Variants in UXS1 observed in about 807,000 individuals in gnomAD.
UXS1 encodes the protein UDP-glucuronate decarboxylase 1.
Under a neutral mutation model 62.6 loss-of-function variants are expected in UXS1, and 33 were observed. The ratio of observed to expected loss-of-function variants is 0.53; its 90% CI spans 0.40 to 0.70. UXS1 has a LOEUF of 0.70. Among genes scored for constraint, UXS1 ranks in the 30% least tolerant of loss-of-function variants. The pLI is 0.00. For missense variants in UXS1, 434 were observed against 556.3 expected (o/e 0.78, Z 2.21); for synonymous variants, 213 against 206.8 (o/e 1.03, Z -0.26).
In UXS1 at chr2:106,142,259, T is replaced by C. The variant is rs559124549; in HGVS notation, c.472+2931A>G. 2.1e-4 allele frequency among the ~76,000 whole-genome samples: 32 copies of C among 152,366 alleles called. No homozygotes were observed. The South Asian group carries it at 2.5e-3, about 12-fold the overall frequency. ...TTCTATATTTTCTTTAACATGTATG[T>C]ATTATTTTCATCATCAGGAAAAAAG... On this transcript the variant is annotated intron_variant, in intron 6 of 14. Transcript: ENST00000283148.
chr2:106,161,250 C>T (rs1429999043), intron 4 of UXS1, among the ~76,000 whole-genome samples: 4 of 151,562 alleles, frequency 2.6e-5, no homozygotes, highest in South Asian at 2.1e-4. Flanking sequence ...TGGAGTGTAG[C>T]GGCATAATCA....
intron 4 of UXS1, among the ~76,000 whole-genome samples, chr2:106,161,076 T>C (rs750109192): frequency 2.0e-5 from 3 of 152,180 alleles, no homozygotes; most frequent in Non-Finnish European, 2.9e-5. Flanking sequence ...CAGTGACTGA[T>C]AGAGTGCAGT....
chr2:106,105,447 TC>T (rs1358946929), intron 10 of UXS1, among the ~76,000 whole-genome samples: 2 of 152,146 alleles, frequency 1.3e-5, no homozygotes, highest in Admixed American at 1.3e-4. Context: ...GCTCCACACT[TC>T]CATAGCTTGG....
chr2:106,115,978 C>G (rs1208350827), intron 9 of UXS1, among the ~76,000 whole-genome samples: 1 of 152,230 alleles, frequency 6.6e-6, no homozygotes, highest in South Asian at 2.1e-4. Context: ...TCCCAAAGGC[C>G]CTTTGGAAAC....
intron 7 of UXS1, 61 bp downstream of exon 7, chr2:106,129,613 G>T: frequency 7.5e-7 from 1 of 1,325,098 alleles, no homozygotes; most frequent in Non-Finnish European, 1.1e-6. Context: ...AATGACCTAT[G>T]CTTGTAATCA....
At chr2:106,094,221 G>GAAGTGCCACCTTGCAGGAAGC in intron 14 of UXS1, 64 bp from the exon 15 acceptor site, 2 of 1,603,324 alleles carry the variant, frequency 1.2e-6, no homozygotes, top group Non-Finnish European at 1.7e-6. Flanking sequence ...TCGCAGGAAG[G>GAAGTGCCACCTTGCAGGAAGC]AAGTGCCACC....
Position 106,194,295 on chromosome 2 carries a change from A to C in UXS1, c.-54T>G, listed in dbSNP as rs1365116890. ...TACCGCGCGGGGGCCCGCCTGCTGC[A>C]CAATGCGCGGCGGCGGCGGCGGCAG... On this transcript the variant is annotated 5_prime_UTR_variant, in exon 1 of 15. Transcript: ENST00000283148. 48 of 1,071,076 alleles carry C rather than the reference A, an allele frequency of 4.5e-5. No individual in the cohort carries two copies. The highest frequency in any genetic ancestry group is 5.4e-5 in the Non-Finnish European group (47 of 863,108). 66.3% of individuals were successfully genotyped at this position (1,071,076 alleles called of 1,614,324 possible).
intron 13 of UXS1, among the ~76,000 whole-genome samples, 174 bp downstream of exon 13, chr2:106,098,542 C>T (rs1677315763): frequency 6.6e-6 from 1 of 152,206 alleles, no homozygotes; most frequent in South Asian, 2.1e-4. Flanking sequence ...TCCTGCCCTC[C>T]TTTATCTTTC....
At chr2:106,124,008 G>T (rs1275319859) in intron 8 of UXS1, among the ~76,000 whole-genome samples, 1 of 152,170 alleles carries the variant, frequency 6.6e-6, no homozygotes, top group African/African-American at 2.4e-5. Context: ...GATCCCTCTG[G>T]GTCAGCACAG....
intron 14 of UXS1, 104 bp from the exon 15 acceptor site, chr2:106,094,261 A>ACCTTGCAGCCT (rs1676899213): frequency 7.0e-7 from 1 of 1,424,500 alleles, no homozygotes; most frequent in African/African-American, 1.4e-5. Flanking sequence ...CCTTGCAGCC[A>ACCTTGCAGCCT]GTCAGGCCTC....
chr2:106,116,221 A>G (rs1444686196), intron 9 of UXS1, among the ~76,000 whole-genome samples: 1 of 152,232 alleles, frequency 6.6e-6, no homozygotes, highest in African/African-American at 2.4e-5. Flanking sequence ...CACGGTGTAC[A>G]GAGCACCTCT....
chr2:106,107,954 C>A (rs1283654619), intron 10 of UXS1, among the ~76,000 whole-genome samples: 1 of 152,216 alleles, frequency 6.6e-6, no homozygotes, highest in South Asian at 2.1e-4. Flanking sequence ...CAAGAGGAGG[C>A]TGTTCTGCCT....
chr2:106,131,099 G>T (rs376833937), intron 6 of UXS1, among the ~76,000 whole-genome samples: 1 of 149,036 alleles, frequency 6.7e-6, no homozygotes, highest in Non-Finnish European at 1.5e-5. Context: ...CCTGGGAAGC[G>T]CAAGGGGTCA....
chr2:106,104,992 CT>C (rs1326574224), intron 10 of UXS1, among the ~76,000 whole-genome samples, 155 bp from the exon 11 acceptor site: 5 of 152,350 alleles, frequency 3.3e-5, no homozygotes, highest in African/African-American at 1.2e-4. Flanking sequence ...CCGCACTCTA[CT>C]TCGAGACCAT....
intron 9 of UXS1, among the ~76,000 whole-genome samples, chr2:106,121,594 T>C (rs955187352): frequency 3.9e-5 from 6 of 152,190 alleles, no homozygotes; most frequent in African/African-American, 1.4e-4. Context: ...CTGAAACTTT[T>C]GAGTCAAGAT....
At chr2:106,147,310 T>C (rs1681656200) in intron 5 of UXS1, among the ~76,000 whole-genome samples, 1 of 152,202 alleles carries the variant, frequency 6.6e-6, no homozygotes, top group Admixed American at 6.5e-5. Context: ...CCAACGTTAA[T>C]ATTAAAACAG....
chr2:106,157,553 C>T (rs908501584), intron 5 of UXS1, among the ~76,000 whole-genome samples: 1 of 152,128 alleles, frequency 6.6e-6, no homozygotes, highest in Non-Finnish European at 1.5e-5. Context: ...TGTGTCCACA[C>T]GAAAACTTAC....
intron 8 of UXS1, among the ~76,000 whole-genome samples, 152 bp from the exon 9 acceptor site, chr2:106,123,243 T>TC (rs1459179710): frequency 2.0e-5 from 3 of 152,074 alleles, no homozygotes; most frequent in Non-Finnish European, 4.4e-5. Context: ...TCCAGTCCAT[T>TC]CTCTTGAGTT....
At position 106,100,981 on chromosome 2, in the gene UXS1, G is replaced by T. The variant is rs780755317; in HGVS notation, c.984+77C>A. 2.6e-6 allele frequency: 4 copies of T among 1,565,940 alleles called. No homozygotes were observed. In the East Asian group the frequency reaches 9.0e-5, roughly 35 times the overall value. ...GTGTGCCGATGGCAAATGAAGCAAA[G>T]CCTGGTGCTGCTCATGGTTTCACAA... On this transcript the variant is annotated intron_variant, in intron 12 of 14. Transcript: ENST00000283148.
Sources: allele counts gnomAD v4.1 joint callset (sites outside exome capture counted in the v4.1 genomes callset), GRCh38; gene constraint gnomAD v4.1.1; transcripts MANE v1.5; gene names NCBI Gene and HGNC (gene_info 2026-07-23, HGNC 2026-07-21).